The following FBXW7 variants were observed in gnomAD, a reference collection of about 807,000 sequenced individuals.
FBXW7 encodes F-box/WD repeat-containing protein 7.
A neutral mutation model predicts 86.3 loss-of-function variants in FBXW7; 11 were observed. That is an observed-to-expected ratio of 0.13 (90% CI 0.08 to 0.21). FBXW7 has a LOEUF of 0.21. Among genes scored for constraint, FBXW7 ranks in the 10% least tolerant of loss-of-function variants. FBXW7 has a pLI of 1.00. For synonymous variants in FBXW7, 313 were observed against 297.9 expected (o/e 1.05, Z -0.52); for missense variants, 488 against 847.4 (o/e 0.58, Z 5.27).
At chr4:152,446,982 T>A (rs1395819917) in intron 2 of FBXW7, among the ~76,000 whole-genome samples, 1 of 152,214 alleles carries the variant, frequency 6.6e-6, no homozygotes, top group Admixed American at 6.5e-5. Flanking sequence ...TGTTGAATAA[T>A]AAAAGATTAC....
chr4:152,420,260 T>G (rs1341750507), intron 2 of FBXW7, among the ~76,000 whole-genome samples: 2 of 152,170 alleles, frequency 1.3e-5, no homozygotes, highest in Non-Finnish European at 2.9e-5. Flanking sequence ...CATTCAAATT[T>G]TATCTTGAGA....
At chr4:152,416,236 T>C (rs1052395417) in intron 2 of FBXW7, among the ~76,000 whole-genome samples, 3 of 152,198 alleles carry the variant, frequency 2.0e-5, no homozygotes, top group African/African-American at 7.2e-5. Context: ...AAGCATGCTC[T>C]TCACCAAAAA....
chr4:152,508,001 C>T (rs1301884787), intron 2 of FBXW7, among the ~76,000 whole-genome samples: 1 of 151,660 alleles, frequency 6.6e-6, no homozygotes, highest in Non-Finnish European at 1.5e-5. Context: ...CCAGGAAATC[C>T]AGGTTGCAGT....
At chr4:152,410,070 A>G (rs1737795830) in intron 4 of FBXW7, among the ~76,000 whole-genome samples, 1 of 152,200 alleles carries the variant, frequency 6.6e-6, no homozygotes, top group South Asian at 2.1e-4. Flanking sequence ...GTTTTGTCTA[A>G]CTAGCTTTTT....
intron 2 of FBXW7, among the ~76,000 whole-genome samples, chr4:152,471,953 T>C (rs1196363516): frequency 1.3e-5 from 2 of 151,786 alleles, no homozygotes; most frequent in African/African-American, 4.8e-5. Context: ...CAAGCTACAG[T>C]GTAGGAGAAA....
At chr4:152,509,797 A>C (rs1747792738) in intron 2 of FBXW7, among the ~76,000 whole-genome samples, 1 of 152,210 alleles carries the variant, frequency 6.6e-6, no homozygotes, top group African/African-American at 2.4e-5. Context: ...ACTGTCACTC[A>C]ATGGGTTGTC....
Position 152,535,386 on chromosome 4 carries a change from C to T in FBXW7, c.-472G>A. ...CCGGCGACTGGCCAAGGGAGAAGAC[C>T]CCCGGAGGGGGCTGAGGGGAGGGGG... On this transcript the variant is annotated 5_prime_UTR_variant, in exon 1 of 14. Transcript: ENST00000281708. 2.6e-6 allele frequency: 1 copy of T among 383,374 alleles called. No homozygotes were observed. Among genetic ancestry groups the T allele is most frequent in the Non-Finnish European group, 4.6e-6 (1 of 216,630 alleles). The allele number at this position is 383,374 out of a possible 1,614,324, so 23.7% of individuals were successfully genotyped here. A position where few individuals can be genotyped will look rare whatever the true frequency, so the allele number is the denominator to read the frequency against.
chr4:152,361,879 T>G (rs772771625), intron 4 of FBXW7, among the ~76,000 whole-genome samples: 2 of 150,524 alleles, frequency 1.3e-5, no homozygotes, highest in South Asian at 2.1e-4. Context: ...GGCAGGAGAA[T>G]TGCTTGAACT....
At chr4:152,485,245 T>C (rs562733372) in intron 2 of FBXW7, among the ~76,000 whole-genome samples, 10 of 152,214 alleles carry the variant, frequency 6.6e-5, no homozygotes, top group African/African-American at 2.4e-4. Flanking sequence ...TCAAGATAAG[T>C]AAATAGGCTT....
chr4:152,455,315 C>A (rs1260918227), intron 2 of FBXW7, among the ~76,000 whole-genome samples: 1 of 152,176 alleles, frequency 6.6e-6, no homozygotes, highest in Non-Finnish European at 1.5e-5. Context: ...CTTTCTGTTA[C>A]AATCTAAACA....
At chr4:152,404,173 A>G in intron 4 of FBXW7, among the ~76,000 whole-genome samples, 1 of 152,198 alleles carries the variant, frequency 6.6e-6, no homozygotes, top group South Asian at 2.1e-4. Context: ...ATTCTCATGC[A>G]GAGATCATGA....
rs1199177582 is a variant in FBXW7, at chr4:152,323,104, T to C, written c.1901A>G (p.Lys634Arg). The change falls in exon 14 of 14, where the codon AAG becomes AGG. Residue 634 changes from lysine to arginine, a missense_variant. Lys to Arg is a conservative substitution (Grantham distance 26). This residue lies in a region of FBXW7 where 142 missense variants were observed against 406.6 expected (regional missense o/e 0.35). Coordinates refer to ENST00000281708, the MANE Select transcript of FBXW7 (RefSeq NM_001349798.2). ...ATCTGAGCTGGTAATTACAAAGTTC[T>C]TGTTGAACTGTAAACAGGTCACAGC... ...QSAVTCLQFN[K>R]NFVITSSDDG... is the part of the protein sequence containing the mutation. 3.1e-6 allele frequency: 5 copies of C among 1,613,674 alleles called. No individual in the cohort carries two copies. The highest frequency in any genetic ancestry group is 1.3e-5 in the African/African-American group (1 of 74,892).
At chr4:152,467,977 T>C (rs79311885) in intron 2 of FBXW7, among the ~76,000 whole-genome samples, 3 of 140,610 alleles carry the variant, frequency 2.1e-5, no homozygotes, top group Admixed American at 7.1e-5. Flanking sequence ...AAAGATAATC[T>C]TTTTTTTTTT....
rs116440896 is a variant in FBXW7 at position 152,477,279 on chromosome 4, T to C, written c.-120+57662A>G. On this transcript the variant is annotated intron_variant, in intron 2 of 13. Transcript: ENST00000281708. ...GGGGTAGGTCAATATTAGAAAAATA[T>C]AAAAGTTCTAAGAAGGATCCAAATA... 5.6e-3 allele frequency among the ~76,000 whole-genome samples: 851 copies of C among 152,244 alleles called. 6 individuals carry two copies. The highest frequency in any genetic ancestry group is 9.6e-3 in the Non-Finnish European group (651 of 67,996).
Position 152,535,486 on chromosome 4 carries a change from G to C in FBXW7, c.-572C>G. The C allele has an allele frequency of 5.1e-6, 2 of 393,130 alleles. No homozygotes were observed. The highest frequency in any genetic ancestry group is 9.0e-6 in the Non-Finnish European group (2 of 222,804). 24.4% of individuals were successfully genotyped at this position (393,130 alleles called of 1,614,324 possible). On this transcript the variant is annotated 5_prime_UTR_variant, in exon 1 of 14. Transcript: ENST00000281708. ...GCCGCCGCTTCACATCGGGGTCCCC[G>C]CCCCCCCGGCCGGGGGGTGGTTGCC...
chr4:152,339,434 T>C (rs76285773), intron 6 of FBXW7, among the ~76,000 whole-genome samples: 2,089 of 152,326 alleles, frequency 0.014, 26 homozygotes, highest in Middle Eastern at 0.037. Flanking sequence ...ACTTACCTCT[T>C]TGACATAACT....
chr4:152,459,408 C>T (rs1029179743), intron 2 of FBXW7, among the ~76,000 whole-genome samples: 1 of 152,162 alleles, frequency 6.6e-6, no homozygotes, highest in Non-Finnish European at 1.5e-5. Flanking sequence ...AGTATCATAG[C>T]CAAATCAGCT....
chr4:152,511,798 GT>G (rs955563631), intron 2 of FBXW7, among the ~76,000 whole-genome samples: 1 of 152,124 alleles, frequency 6.6e-6, no homozygotes, highest in African/African-American at 2.4e-5. Context: ...TCTGTAAAAT[GT>G]GAGAGAATAT....
chr4:152,361,426 C>T (rs950357591), intron 4 of FBXW7, among the ~76,000 whole-genome samples: 2 of 152,100 alleles, frequency 1.3e-5, no homozygotes, highest in East Asian at 3.9e-4. Context: ...ACATGATTCC[C>T]TACCTGTTTA....
Sources: gnomAD v4.1 joint callset for allele counts (sites outside exome capture counted in the v4.1 genomes callset) on GRCh38, gnomAD v4.1.1 for gene constraint, gnomAD v4.1.1 regional missense constraint, MANE v1.5 for transcripts, NCBI Gene and HGNC (gene_info 2026-07-23, HGNC 2026-07-21) for gene names.